LRMDA: variants seen among roughly 807,000 people sequenced by gnomAD.
The protein encoded by LRMDA is leucine-rich melanocyte differentiation-associated protein.
Under a neutral mutation model 29.8 loss-of-function variants are expected in LRMDA, and 18 were observed. The ratio of observed to expected loss-of-function variants is 0.60; its 90% CI spans 0.42 to 0.90. LRMDA has a LOEUF of 0.90. Among genes scored for constraint, LRMDA ranks in the 40% least tolerant of loss-of-function variants. LRMDA has a pLI of 0.00. For synonymous variants in LRMDA, 125 were observed against 109.4 expected (o/e 1.14, Z -0.89); for missense variants, 273 against 273.9 (o/e 1.00, Z 0.02).
chr10:76,363,254 A>AGAAGGAAG lies in LRMDA; in HGVS notation c.601+38785_601+38792dup, dbSNP rs774111711. On this transcript the variant is annotated intron_variant, in intron 6 of 6. Transcript: ENST00000611255. Reference sequence around the variant, plus strand: ...AAGAAAGAAAGAAAGAAAGAAAGAAAGAAGGAAGGAAGGAAGGAAGGAAAG... The same window carrying AGAAGGAAG: ...AAGAAAGAAAGAAAGAAAGAAAGAAAGAAGGAAGGAAGGAAGGAAGGAAGGAAGGAAAG... Among the ~76,000 whole-genome samples, 6 of 46,400 alleles carry AGAAGGAAG rather than the reference A, an allele frequency of 1.3e-4. 2 individuals carry two copies. Among genetic ancestry groups the AGAAGGAAG allele is most frequent in the African/African-American group, 5.6e-4 (6 of 10,654 alleles). 30.4% of individuals were successfully genotyped at this position (46,400 alleles called of 152,430 possible).
intron 5 of LRMDA, among the ~76,000 whole-genome samples, chr10:76,130,910 G>T (rs1423313132): frequency 6.6e-6 from 1 of 152,058 alleles, no homozygotes; most frequent in South Asian, 2.1e-4. Context: ...TGATCCACTC[G>T]CCTCGGCCTC....
intron 2 of LRMDA, among the ~76,000 whole-genome samples, chr10:75,842,963 A>G (rs1052465102): frequency 8.5e-5 from 13 of 152,166 alleles, no homozygotes; most frequent in Admixed American, 3.9e-4. Flanking sequence ...CAAGGCTGCA[A>G]TGAGCCATGA....
At chr10:76,040,825 T>C (rs1177354629) in intron 3 of LRMDA, among the ~76,000 whole-genome samples, 1 of 152,232 alleles carries the variant, frequency 6.6e-6, no homozygotes, top group Non-Finnish European at 1.5e-5. Flanking sequence ...ACACTTCATC[T>C]TCTGTCTCCC....
chr10:76,531,663 T>C (rs1341162760), intron 6 of LRMDA, among the ~76,000 whole-genome samples: 1 of 152,234 alleles, frequency 6.6e-6, no homozygotes, highest in East Asian at 1.9e-4. Context: ...TTCTACTTTT[T>C]ATATATTGCT....
At chr10:75,833,962 T>G (rs1158349010) in intron 2 of LRMDA, among the ~76,000 whole-genome samples, 1 of 152,174 alleles carries the variant, frequency 6.6e-6, no homozygotes, top group Non-Finnish European at 1.5e-5. Flanking sequence ...CTTGAGGACC[T>G]GCGCTCTGGA....
chr10:75,624,439 G>A (rs747232686), intron 2 of LRMDA, among the ~76,000 whole-genome samples: 1 of 152,130 alleles, frequency 6.6e-6, no homozygotes, highest in Non-Finnish European at 1.5e-5. Flanking sequence ...TATCAGTCAG[G>A]CAGATATATG....
chr10:76,315,769 TG>T (rs2132385414), intron 5 of LRMDA, among the ~76,000 whole-genome samples: 1 of 152,018 alleles, frequency 6.6e-6, no homozygotes, highest in East Asian at 1.9e-4. Flanking sequence ...GCTTGAAGCC[TG>T]GGGGCCGGGC....
chr10:76,203,354 C>T (rs1851468130), intron 5 of LRMDA, among the ~76,000 whole-genome samples: 1 of 152,210 alleles, frequency 6.6e-6, no homozygotes, highest in Non-Finnish European at 1.5e-5. Flanking sequence ...GTTGCCCAGG[C>T]TGCTCTCAAC....
At chr10:75,515,201 A>G (rs1042323493) in intron 2 of LRMDA, among the ~76,000 whole-genome samples, 12 of 152,160 alleles carry the variant, frequency 7.9e-5, no homozygotes, top group Non-Finnish European at 1.5e-4. Flanking sequence ...GTAGATTAGT[A>G]GTTGCCAGGG....
In LRMDA at chr10:76,478,488, G is replaced by A. The variant is rs575768961; in HGVS notation, c.602-78721G>A. Among the ~76,000 whole-genome samples the A allele has an allele frequency of 6.6e-5, 10 of 152,248 alleles. No individual in the cohort carries two copies. The East Asian group carries it at 1.6e-3, about 24-fold the overall frequency. ...TTCAACCATTGTGGAAGTCAGTGTG[G>A]CAATTCCTCAGGGATCTAGAACTAG... On this transcript the variant is annotated intron_variant, in intron 6 of 6. Coordinates refer to ENST00000611255, the MANE Select transcript of LRMDA (RefSeq NM_001305581.2).
At chr10:75,827,995 C>T (rs1054974383) in intron 2 of LRMDA, among the ~76,000 whole-genome samples, 21 of 152,148 alleles carry the variant, frequency 1.4e-4, no homozygotes, top group Admixed American at 7.2e-4. Context: ...CTTTGGGGAA[C>T]GCAGTAACTT....
chr10:75,489,526 C>G (rs950741741), intron 2 of LRMDA, among the ~76,000 whole-genome samples: 2 of 152,154 alleles, frequency 1.3e-5, no homozygotes, highest in East Asian at 3.9e-4. Context: ...GAAGTTGGGC[C>G]CTGTATGTGA....
At chr10:76,313,787 G>T (rs1274190183) in intron 5 of LRMDA, among the ~76,000 whole-genome samples, 3 of 151,510 alleles carry the variant, frequency 2.0e-5, no homozygotes, top group Non-Finnish European at 2.9e-5. Flanking sequence ...ATATAATACT[G>T]TTTCTAAAAA....
chr10:75,950,512 C>T (rs2132419412), intron 2 of LRMDA, among the ~76,000 whole-genome samples: 1 of 152,332 alleles, frequency 6.6e-6, no homozygotes, highest in African/African-American at 2.4e-5. Context: ...AGGGCCGACT[C>T]AGCATTTTGT....
chr10:75,992,046 C>T (rs374998778), intron 2 of LRMDA, among the ~76,000 whole-genome samples: 1 of 152,142 alleles, frequency 6.6e-6, no homozygotes, highest in Non-Finnish European at 1.5e-5. Flanking sequence ...TTTCTATGTC[C>T]CTGGTCCTAT....
At chr10:75,771,253 C>T (rs1843236946) in intron 2 of LRMDA, among the ~76,000 whole-genome samples, 1 of 152,082 alleles carries the variant, frequency 6.6e-6, no homozygotes, top group Non-Finnish European at 1.5e-5. Flanking sequence ...CACTCCCTCC[C>T]TCCTTCCCTC....
At chr10:75,743,405 C>T (rs1472356226) in intron 2 of LRMDA, 2 of 152,252 alleles carry the variant, frequency 1.3e-5, no homozygotes, top group African/African-American at 4.8e-5. Context: ...AGCCGTGAGT[C>T]CTCTGAGAAC....
At chr10:75,568,589 C>G (rs531317069) in intron 2 of LRMDA, among the ~76,000 whole-genome samples, 14 of 152,272 alleles carry the variant, frequency 9.2e-5, no homozygotes, top group Non-Finnish European at 1.9e-4. Flanking sequence ...GCTGCCTCTT[C>G]TACTAACTAG....
At chr10:76,154,374 A>G (rs1377869393) in intron 5 of LRMDA, among the ~76,000 whole-genome samples, 6 of 152,238 alleles carry the variant, frequency 3.9e-5, no homozygotes, top group South Asian at 2.1e-4. Flanking sequence ...AAAAAATACA[A>G]TATTCAGAAT....
Sources: gnomAD v4.1 joint callset for allele counts (sites outside exome capture counted in the v4.1 genomes callset) on GRCh38, gnomAD v4.1.1 for gene constraint, MANE v1.5 for transcripts, NCBI Gene and HGNC (gene_info 2026-07-23, HGNC 2026-07-21) for gene names.